The following GABRG3 variants were observed in gnomAD, a reference collection of about 807,000 sequenced individuals.
GABRG3 encodes the protein gamma-aminobutyric acid type A receptor subunit gamma3.
Under a neutral mutation model 48.8 loss-of-function variants are expected in GABRG3, and 25 were observed. The ratio of observed to expected loss-of-function variants is 0.51; its 90% CI spans 0.37 to 0.72. The LOEUF (loss-of-function observed/expected upper bound fraction) is 0.72. Ranked by LOEUF, GABRG3 falls within the 30% of genes least tolerant of loss-of-function variation. The pLI is 0.00. For missense variants in GABRG3, 394 were observed against 577.9 expected (o/e 0.68, Z 3.26); for synonymous variants, 227 against 217.6 (o/e 1.04, Z -0.38).
rs573069593 is a variant in GABRG3, at chr15:27,333,173, A to G, written c.574+4285A>G. ...ACTCATAGAAACTGAACCATAAAGA[A>G]TATTCAATTGCAAACAGCATTGGTT... is the stretch of plus-strand genomic sequence containing the variant. On this transcript the variant is annotated intron_variant, in intron 5 of 9. Transcript: ENST00000615808. Among the ~76,000 whole-genome samples the G allele has an allele frequency of 5.6e-4, 86 of 152,346 alleles. 1 individual carries two copies. In the South Asian group the frequency reaches 0.017, roughly 30 times the overall value.
intron 5 of GABRG3, among the ~76,000 whole-genome samples, chr15:27,450,819 A>G (rs1889088575): frequency 6.6e-6 from 1 of 152,192 alleles, no homozygotes; most frequent in South Asian, 2.1e-4. Context: ...AGAAAACCCT[A>G]GTCCCCCAAA....
At chr15:27,272,450 A>C (rs1891120553) in intron 3 of GABRG3, among the ~76,000 whole-genome samples, 1 of 152,200 alleles carries the variant, frequency 6.6e-6, no homozygotes, top group Non-Finnish European at 1.5e-5. Context: ...TCTTAGAGCC[A>C]TGGTATGTCT....
At chr15:27,228,819 A>G (rs1889705780) in intron 3 of GABRG3, among the ~76,000 whole-genome samples, 1 of 152,206 alleles carries the variant, frequency 6.6e-6, no homozygotes, top group Admixed American at 6.5e-5. Flanking sequence ...ATAATCAGTG[A>G]TGATGAGCTT....
At chr15:27,428,923 T>TC (rs1888369906) in intron 5 of GABRG3, among the ~76,000 whole-genome samples, 1 of 152,200 alleles carries the variant, frequency 6.6e-6, no homozygotes, top group African/African-American at 2.4e-5. Context: ...TCTAAACCTC[T>TC]CAGAGTTTAC....
intron 3 of GABRG3, among the ~76,000 whole-genome samples, chr15:27,083,945 A>G (rs1897033242): frequency 1.3e-5 from 2 of 152,210 alleles, no homozygotes; most frequent in African/African-American, 4.8e-5. Flanking sequence ...ACATGATCAC[A>G]GTCCACCTAT....
intron 3 of GABRG3, among the ~76,000 whole-genome samples, chr15:27,117,116 G>A (rs1897654826): frequency 6.6e-6 from 1 of 152,174 alleles, no homozygotes; most frequent in Admixed American, 6.5e-5. Context: ...AATAGCTCAA[G>A]GTCACAAAGC....
At chr15:27,017,900 G>T (rs1895809189) in intron 2 of GABRG3, among the ~76,000 whole-genome samples, 1 of 152,170 alleles carries the variant, frequency 6.6e-6, no homozygotes, top group East Asian at 1.9e-4. Flanking sequence ...GTACAGTGAG[G>T]TTTGTCAAGC....
chr15:27,391,607 A>T (rs1887133743), intron 5 of GABRG3, among the ~76,000 whole-genome samples: 1 of 152,272 alleles, frequency 6.6e-6, no homozygotes, highest in East Asian at 1.9e-4. Flanking sequence ...CCTGGGGAAC[A>T]TGGGGGCCTC....
rs34842232 is a variant in GABRG3 at position 27,532,830 on chromosome 15, G to A, written c.1353G>A (p.Thr451=). Residue 451 remains threonine (T), a synonymous_variant, in exon 10 of 10, where the codon ACG becomes ACA. Coordinates refer to ENST00000615808, the MANE Select transcript of GABRG3 (RefSeq NM_033223.5). The stretch of plus-strand genomic sequence containing the variant: ...CGTACTCCCGGGTCTTTTTCCCCAC[G>A]TCCTTCCTGCTCTTTAACCTGGTCT... The part of the protein sequence containing the change: ...LDSYSRVFFP[T]SFLLFNLVYW... The A allele has an allele frequency of 4.1e-4, 660 of 1,613,922 alleles. 5 individuals are homozygous for A. The highest frequency in any genetic ancestry group is 3.3e-4 in the Middle Eastern group (2 of 6,060).
chr15:27,212,331 T>C (rs1156782824), intron 3 of GABRG3, among the ~76,000 whole-genome samples: 1 of 152,178 alleles, frequency 6.6e-6, no homozygotes, highest in Non-Finnish European at 1.5e-5. Context: ...AAGTAGCTGA[T>C]ATTTGGCCCA....
At chr15:27,407,164 G>A (rs1416538868) in intron 5 of GABRG3, among the ~76,000 whole-genome samples, 1 of 152,118 alleles carries the variant, frequency 6.6e-6, no homozygotes, top group Admixed American at 6.6e-5. Flanking sequence ...AGCCTCAAGT[G>A]ATCCACCCAA....
intron 3 of GABRG3, among the ~76,000 whole-genome samples, chr15:27,202,131 G>A (rs528108525): frequency 2.2e-4 from 33 of 152,198 alleles, no homozygotes; most frequent in African/African-American, 6.5e-4. Flanking sequence ...GAGAACCAAC[G>A]GAAGTGACCC....
At chr15:27,266,145 G>T (rs1385207852) in intron 3 of GABRG3, among the ~76,000 whole-genome samples, 1 of 151,770 alleles carries the variant, frequency 6.6e-6, no homozygotes, top group African/African-American at 2.4e-5. Flanking sequence ...CTCCCAAAGT[G>T]CTGGGATTAC....
At chr15:27,053,490 G>T (rs1052416235) in intron 3 of GABRG3, among the ~76,000 whole-genome samples, 2 of 152,208 alleles carry the variant, frequency 1.3e-5, no homozygotes, top group African/African-American at 4.8e-5. Context: ...AGCCAGCAGG[G>T]TTGGAGAGGC....
At chr15:27,349,442 T>C (rs1310436169) in intron 5 of GABRG3, among the ~76,000 whole-genome samples, 2 of 152,180 alleles carry the variant, frequency 1.3e-5, no homozygotes, top group East Asian at 3.9e-4. Flanking sequence ...TGCCATTTCT[T>C]CGAAGAGACA....
At chr15:27,305,107 T>G (rs914031290) in intron 3 of GABRG3, among the ~76,000 whole-genome samples, 2 of 151,896 alleles carry the variant, frequency 1.3e-5, no homozygotes, top group Non-Finnish European at 2.9e-5. Context: ...GAGTTAACTT[T>G]CCATATGGTG....
chr15:27,383,918 G>A (rs1255184059), intron 5 of GABRG3, among the ~76,000 whole-genome samples: 1 of 152,164 alleles, frequency 6.6e-6, no homozygotes, highest in Non-Finnish European at 1.5e-5. Context: ...GCAGAGTGAT[G>A]CATTCAGTAG....
intron 3 of GABRG3, among the ~76,000 whole-genome samples, chr15:27,076,066 G>A (rs1399891097): frequency 2.6e-5 from 4 of 152,118 alleles, no homozygotes; most frequent in Non-Finnish European, 4.4e-5. Context: ...GCAGGTGTTT[G>A]GTCCTGAGTG....
intron 5 of GABRG3, among the ~76,000 whole-genome samples, chr15:27,439,930 G>A (rs1289699169): frequency 2.0e-5 from 3 of 152,136 alleles, no homozygotes; most frequent in Admixed American, 2.0e-4. Context: ...CCATGCCTCT[G>A]CATCCCTCAC....
Sources: allele counts gnomAD v4.1 joint callset (sites outside exome capture counted in the v4.1 genomes callset), GRCh38; gene constraint gnomAD v4.1.1; transcripts MANE v1.5; gene names NCBI Gene and HGNC (gene_info 2026-07-23, HGNC 2026-07-21).